The following ATP8A2 variants were observed in gnomAD, a reference collection of about 807,000 sequenced individuals.
ATP8A2 encodes the protein phospholipid-transporting ATPase IB.
Under a neutral mutation model 165.6 loss-of-function variants are expected in ATP8A2, and 100 were observed. The ratio of observed to expected loss-of-function variants is 0.60; its 90% CI spans 0.51 to 0.71. The LOEUF is 0.71. ATP8A2 is among the 30% of genes least tolerant of loss of function. The pLI, the probability that ATP8A2 is intolerant of heterozygous loss-of-function variation, is 0.00. For synonymous variants in ATP8A2, 543 were observed against 548.8 expected, an observed-to-expected ratio of 0.99 and a Z score of 0.15; for missense variants, 1,227 against 1,479.5, an observed-to-expected ratio of 0.83 and a Z score of 2.80.
chr13:25,426,653 T>G (rs964119174), intron 1 of ATP8A2, among the ~76,000 whole-genome samples: 10 of 151,916 alleles, frequency 6.6e-5, no homozygotes, highest in Admixed American at 2.0e-4. Context: ...TAGTTAATAA[T>G]GTATCAGGGC....
At chr13:25,831,821 C>T (rs1193683654) in intron 28 of ATP8A2, among the ~76,000 whole-genome samples, 2 of 151,956 alleles carry the variant, frequency 1.3e-5, no homozygotes, top group Non-Finnish European at 2.9e-5. Context: ...CTAGCCTGGG[C>T]AACAGAGCAA....
In ATP8A2 at chr13:25,699,264, C is replaced by T; in HGVS notation, c.2303C>T (p.Thr768Ile). 6.2e-7 allele frequency: 1 copy of T among 1,613,838 alleles called. No individual in the cohort carries two copies. Among genetic ancestry groups the T allele is most frequent in the Non-Finnish European group, 8.5e-7 (1 of 1,179,840 alleles). ...GTGGCCCTGATCATCGATGGCCACA[C>T]CCTGAAGTACGCGCTCTCCTTCGAA... ...NDVALIIDGH[T>I]LKYALSFEVR... is the part of the protein sequence containing the mutation. The change falls in exon 25 of 37, where the codon ACC becomes ATC. Residue 768 changes from threonine to isoleucine, a missense_variant. This residue lies in a region of ATP8A2 where 592 missense variants were observed against 785.6 expected (regional missense o/e 0.75). Transcript: ENST00000381655.
At chr13:25,516,528 C>A (rs1015401872) in intron 2 of ATP8A2, among the ~76,000 whole-genome samples, 60 of 152,272 alleles carry the variant, frequency 3.9e-4, no homozygotes, top group African/African-American at 1.4e-3. Context: ...GTTAGAGTTT[C>A]ACACGCTGAC....
chr13:25,513,859 A>AG (rs2037370222), intron 2 of ATP8A2, among the ~76,000 whole-genome samples: 1 of 152,124 alleles, frequency 6.6e-6, no homozygotes, highest in Non-Finnish European at 1.5e-5. Context: ...TGGCAGGCTG[A>AG]GGCAGGACAA....
intron 1 of ATP8A2, among the ~76,000 whole-genome samples, chr13:25,431,503 G>GGT (rs1204476221): frequency 1.1e-5 from 1 of 93,212 alleles, no homozygotes; most frequent in South Asian, 3.8e-4. Context: ...CTTCGGCGGC[G>GGT]GGGGGGGAAT....
intron 1 of ATP8A2, among the ~76,000 whole-genome samples, chr13:25,397,598 A>G (rs2137999101): frequency 6.6e-6 from 1 of 152,118 alleles, no homozygotes; most frequent in South Asian, 2.1e-4. Context: ...TTCCTTTACT[A>G]TTGGTCATTA....
chr13:25,656,923 C>A (rs948630018), intron 24 of ATP8A2, among the ~76,000 whole-genome samples: 1 of 151,136 alleles, frequency 6.6e-6, no homozygotes, highest in Non-Finnish European at 1.5e-5. Flanking sequence ...CATGGTGGTG[C>A]ATGCCTGTAA....
At chr13:25,380,557 A>T (rs1231250741) in intron 1 of ATP8A2, among the ~76,000 whole-genome samples, 1 of 152,204 alleles carries the variant, frequency 6.6e-6, no homozygotes, top group Non-Finnish European at 1.5e-5. Context: ...TATTTTGGAT[A>T]TGTGAGATTA....
At chr13:25,896,396 G>C in intron 33 of ATP8A2, among the ~76,000 whole-genome samples, 1 of 152,200 alleles carries the variant, frequency 6.6e-6, no homozygotes, top group Non-Finnish European at 1.5e-5. Flanking sequence ...TGGTGTGAGA[G>C]ACAGTTTGTT....
In ATP8A2 at chr13:25,699,200, T is replaced by G; in HGVS notation, c.2239T>G (p.Cys747Gly). The G allele has an allele frequency of 6.2e-7, 1 of 1,610,314 alleles. No homozygotes were observed. The highest frequency in any genetic ancestry group is 1.3e-5 in the African/African-American group (1 of 74,984). Residue 747 changes from cysteine to glycine, a missense_variant, in exon 25 of 37, where the codon TGC becomes GGC. Coordinates refer to ENST00000381655, the MANE Select transcript of ATP8A2 (RefSeq NM_016529.6). ...CACAAGGGCAGCCATTACTCAGCAC[T>G]GCACTGACCTTGGGAATTTGCTGGG... The part of the protein sequence containing the change: ...DATRAAITQH[C>G]TDLGNLLGKE...
chr13:25,656,085 C>T (rs1172754810), intron 24 of ATP8A2, among the ~76,000 whole-genome samples: 2 of 152,182 alleles, frequency 1.3e-5, no homozygotes, highest in Admixed American at 6.5e-5. Flanking sequence ...TAACCTTGGA[C>T]CCATCGCTGA....
At chr13:25,425,502 A>G (rs1485708877) in intron 1 of ATP8A2, among the ~76,000 whole-genome samples, 2 of 68,918 alleles carry the variant, frequency 2.9e-5, no homozygotes, top group Non-Finnish European at 6.4e-5. Context: ...TCGCTCTAGT[A>G]CTGGATCTCT....
In ATP8A2 at chr13:25,469,086, A is replaced by G. The variant is rs767302786; in HGVS notation, c.186A>G (p.Gln62=). The G allele has an allele frequency of 1.6e-5, 26 of 1,613,800 alleles. No individual in the cohort carries two copies. Among genetic ancestry groups the G allele is most frequent in the Non-Finnish European group, 2.0e-5 (24 of 1,179,892 alleles). ...CCGCCCGCACCATTTACCTCAACCA[A>G]CCGCATCTCAACAAATTCCGCGACA... ...EAPARTIYLN[Q]PHLNKFRDNQ... Residue 62 remains glutamine, a synonymous_variant, in exon 2 of 37, where the codon CAA becomes CAG. Coordinates refer to ENST00000381655, the MANE Select transcript of ATP8A2 (RefSeq NM_016529.6).
At chr13:25,468,807 G>C (rs891009586) in intron 1 of ATP8A2, 170 bp from the exon 2 acceptor site, 10 of 982,402 alleles carry the variant, frequency 1.0e-5, no homozygotes, top group Non-Finnish European at 1.2e-5. Context: ...TGGCTGCCGC[G>C]GCACAGGCGG....
chr13:25,395,876 A>C (rs2033405200), intron 1 of ATP8A2, among the ~76,000 whole-genome samples: 2 of 150,480 alleles, frequency 1.3e-5, no homozygotes, highest in African/African-American at 4.9e-5. Flanking sequence ...ACGGAGTCTC[A>C]CTCTGTCCCC....
In ATP8A2 at chr13:25,699,282, C is replaced by T; in HGVS notation, c.2321C>T (p.Ser774Phe). Reference sequence around the variant, plus strand: ...GGCCACACCCTGAAGTACGCGCTCTCCTTCGAAGTCCGGAGGAGTTTCCTG... The same window carrying T: ...GGCCACACCCTGAAGTACGCGCTCTTCTTCGAAGTCCGGAGGAGTTTCCTG... ...IDGHTLKYAL[S>F]FEVRRSFLDL... Residue 774 changes from serine (S) to phenylalanine (F), a missense_variant, in exon 25 of 37, where the codon TCC (serine) becomes TTC (phenylalanine). Ser to Phe is a radical substitution (Grantham distance 155). Around this residue, in one of 5 missense-constraint regions of ATP8A2, gnomAD observed 592 missense variants for 785.6 expected, o/e 0.75. Coordinates refer to ENST00000381655, the MANE Select transcript of ATP8A2 (RefSeq NM_016529.6). 1.2e-6 allele frequency: 2 copies of T among 1,613,794 alleles called. No individual in the cohort carries two copies. The highest frequency in any genetic ancestry group is 8.5e-7 in the Non-Finnish European group (1 of 1,179,830).
intron 27 of ATP8A2, among the ~76,000 whole-genome samples, 188 bp downstream of exon 27, chr13:25,775,147 T>C (rs534200748): frequency 3.3e-5 from 5 of 152,216 alleles, no homozygotes; most frequent in Admixed American, 6.5e-5. Context: ...TAGATCCTCA[T>C]GCTGGATGAC....
At chr13:25,652,251 A>G (rs937178508) in intron 24 of ATP8A2, among the ~76,000 whole-genome samples, 6 of 152,178 alleles carry the variant, frequency 3.9e-5, no homozygotes, top group Admixed American at 2.6e-4. Context: ...TGATTTAAAT[A>G]TATTTATTTT....
chr13:25,792,387 C>G (rs963255929), intron 27 of ATP8A2, among the ~76,000 whole-genome samples: 1 of 152,146 alleles, frequency 6.6e-6, no homozygotes, highest in Non-Finnish European at 1.5e-5. Context: ...GGTTAGTTGT[C>G]TTTAATATGT....
Sources: allele counts gnomAD v4.1 joint callset (sites outside exome capture counted in the v4.1 genomes callset), GRCh38; gene constraint gnomAD v4.1.1; regional missense constraint gnomAD v4.1.1; transcripts MANE v1.5; gene names NCBI Gene and HGNC (gene_info 2026-07-23, HGNC 2026-07-21).